DOK6: variants seen among roughly 807,000 people sequenced by gnomAD.
The protein encoded by DOK6 is downstream of tyrosine kinase 6.
In DOK6, 22 loss-of-function variants were observed where a neutral mutation model predicts 44.0. That is an observed-to-expected ratio of 0.50 (90% confidence interval 0.36 to 0.71). The LOEUF (loss-of-function observed/expected upper bound fraction) is 0.71. DOK6 is among the 30% of genes least tolerant of loss of function. DOK6 has a pLI of 0.00. For missense variants in DOK6, 340 were observed against 416.4 expected (o/e 0.82, Z 1.60); for synonymous variants, 166 against 145.5 (o/e 1.14, Z -1.01).
intron 3 of DOK6, among the ~76,000 whole-genome samples, chr18:69,630,704 C>T (rs1371895774): frequency 6.6e-6 from 1 of 152,128 alleles, no homozygotes; most frequent in Non-Finnish European, 1.5e-5. Context: ...AAGCCCCAGG[C>T]ATTAGTTTGG....
intron 1 of DOK6, among the ~76,000 whole-genome samples, chr18:69,510,565 A>G (rs1981338535): frequency 6.6e-6 from 1 of 152,222 alleles, no homozygotes; most frequent in Non-Finnish European, 1.5e-5. Context: ...CTATGATTTT[A>G]TGAATGGCCA....
At chr18:69,700,976 A>G (rs1986505559) in intron 5 of DOK6, among the ~76,000 whole-genome samples, 1 of 152,354 alleles carries the variant, frequency 6.6e-6, no homozygotes, top group South Asian at 2.1e-4. Flanking sequence ...TTATACTACT[A>G]TATGCACTAA....
chr18:69,820,115 G>A (rs947172845), intron 7 of DOK6, among the ~76,000 whole-genome samples: 4 of 152,064 alleles, frequency 2.6e-5, no homozygotes, highest in African/African-American at 9.7e-5. Flanking sequence ...CATATAGTGT[G>A]TATGTTTACT....
chr18:69,609,669 CTGAG>C (rs78956212), intron 3 of DOK6, among the ~76,000 whole-genome samples: 53,464 of 151,512 alleles, frequency 0.35, 9,536 homozygotes, highest in Middle Eastern at 0.51. Context: ...AATCCCATTT[CTGAG>C]TATTTATCCA....
chr18:69,803,712 A>T lies in DOK6; in HGVS notation c.857-37532A>T, dbSNP rs934491143. Among the ~76,000 whole-genome samples, 7 of 152,182 alleles carry T rather than the reference A, an allele frequency of 4.6e-5. No homozygotes were observed. The East Asian group carries it at 1.4e-3, about 29-fold the overall frequency. ...CCCGTCTCTACTAAAAATACAAAAAAGCCGAGTGTGGTGGTGGACGCCTGT... is the reference window on the plus strand; with the variant it reads ...CCCGTCTCTACTAAAAATACAAAAATGCCGAGTGTGGTGGTGGACGCCTGT... On this transcript the variant is annotated intron_variant, in intron 7 of 7. Transcript: ENST00000382713.
At chr18:69,647,847 T>C (rs1215063787) in intron 3 of DOK6, among the ~76,000 whole-genome samples, 4 of 152,166 alleles carry the variant, frequency 2.6e-5, no homozygotes, top group South Asian at 4.2e-4. Flanking sequence ...ATGTAGCAAA[T>C]TGGATGAGAA....
Position 69,631,462 on chromosome 18 carries a change from A to T in DOK6, c.289+31964A>T, listed in dbSNP as rs546134952. ...ATGGTAATTCATGGCACCTAACATG[A>T]AACTCCAACTTTACCCATCTGTCAC... On this transcript the variant is annotated intron_variant, in intron 3 of 7. Coordinates refer to ENST00000382713, the MANE Select transcript of DOK6 (RefSeq NM_152721.6). 2.0e-5 allele frequency among the ~76,000 whole-genome samples: 3 copies of T among 152,190 alleles called. No homozygotes were observed. In the East Asian group the frequency reaches 5.8e-4, roughly 29 times the overall value.
chr18:69,460,473 ATCAG>A (rs904630557), intron 1 of DOK6, among the ~76,000 whole-genome samples: 1 of 152,198 alleles, frequency 6.6e-6, no homozygotes, highest in Non-Finnish European at 1.5e-5. Context: ...GCTAAATAAT[ATCAG>A]TCAGTTTATG....
At chr18:69,629,922 C>G (rs1984651923) in intron 3 of DOK6, among the ~76,000 whole-genome samples, 1 of 152,130 alleles carries the variant, frequency 6.6e-6, no homozygotes, top group South Asian at 2.1e-4. Context: ...TCCCATGTAT[C>G]TGGGATTACA....
At chr18:69,820,340 T>G (rs1195389793) in intron 7 of DOK6, among the ~76,000 whole-genome samples, 1 of 152,140 alleles carries the variant, frequency 6.6e-6, no homozygotes, top group Non-Finnish European at 1.5e-5. Context: ...ACTTACTCAA[T>G]CTCTGTAAAA....
intron 7 of DOK6, among the ~76,000 whole-genome samples, chr18:69,822,045 G>A (rs1016077807): frequency 7.2e-5 from 11 of 151,880 alleles, no homozygotes; most frequent in African/African-American, 1.7e-4. Flanking sequence ...CATATATCAC[G>A]AGGTTATTCA....
chr18:69,798,732 T>C (rs1357435175), intron 7 of DOK6, among the ~76,000 whole-genome samples: 1 of 151,592 alleles, frequency 6.6e-6, no homozygotes, highest in African/African-American at 2.4e-5. Flanking sequence ...TCATATGTTA[T>C]TTTAAAATTA....
At chr18:69,835,549 G>A (rs1409788418) in intron 7 of DOK6, among the ~76,000 whole-genome samples, 1 of 151,894 alleles carries the variant, frequency 6.6e-6, no homozygotes, top group Non-Finnish European at 1.5e-5. Flanking sequence ...AAATAAAAGG[G>A]CTCTCTTCTG....
chr18:69,620,066 A>C (rs914067092), intron 3 of DOK6, among the ~76,000 whole-genome samples: 2 of 152,190 alleles, frequency 1.3e-5, no homozygotes, highest in Non-Finnish European at 2.9e-5. Context: ...GAACTTACCA[A>C]CCACCTTAAT....
At chr18:69,597,642 C>T (rs548329743) in intron 2 of DOK6, among the ~76,000 whole-genome samples, 8 of 152,272 alleles carry the variant, frequency 5.3e-5, no homozygotes, top group East Asian at 1.9e-4. Flanking sequence ...CATGGCTCTA[C>T]GCAGAGCATG....
Position 69,841,640 on chromosome 18 carries a change from TAAAC to T in DOK6, c.*261_*264del. 1 of 428,178 alleles carries T rather than the reference TAAAC, an allele frequency of 2.3e-6. No homozygotes were observed. Among genetic ancestry groups the T allele is most frequent in the Non-Finnish European group, 4.1e-6 (1 of 246,532 alleles). 26.5% of individuals were successfully genotyped at this position (428,178 alleles called of 1,614,324 possible). On this transcript the variant is annotated 3_prime_UTR_variant, in exon 8 of 8. Coordinates refer to ENST00000382713, the MANE Select transcript of DOK6 (RefSeq NM_152721.6). ...CAAATCGTATGAACAGTTATTTAAA[TAAAC>T]AAAATTCTTTGGGTCTGACAGTAAC...
chr18:69,481,080 C>T (rs1296845434), intron 1 of DOK6, among the ~76,000 whole-genome samples: 1 of 152,102 alleles, frequency 6.6e-6, no homozygotes, highest in African/African-American at 2.4e-5. Flanking sequence ...CCAGCCAAAA[C>T]CAGCACACAC....
intron 3 of DOK6, among the ~76,000 whole-genome samples, chr18:69,650,566 C>T (rs1404668365): frequency 7.9e-5 from 12 of 152,148 alleles, no homozygotes; most frequent in Admixed American, 2.0e-4. Context: ...TCCAACTTTT[C>T]GGAGCTATTT....
intron 2 of DOK6, among the ~76,000 whole-genome samples, chr18:69,580,349 A>G (rs754084453): frequency 6.6e-6 from 1 of 152,160 alleles, no homozygotes; most frequent in African/African-American, 2.4e-5. Flanking sequence ...AGGCTGTTGC[A>G]ATCTGTAATT....
Sources: allele counts gnomAD v4.1 joint callset (sites outside exome capture counted in the v4.1 genomes callset), GRCh38; gene constraint gnomAD v4.1.1; transcripts MANE v1.5; gene names NCBI Gene and HGNC (gene_info 2026-07-23, HGNC 2026-07-21).